Variants in RPS6KA2 observed in about 807,000 individuals in gnomAD.
RPS6KA2 encodes the protein ribosomal protein S6 kinase A2.
A neutral mutation model predicts 91.8 loss-of-function variants in RPS6KA2; 42 were observed. The observed-to-expected ratio is 0.46, with a 90% CI of 0.36 to 0.59. The LOEUF (loss-of-function observed/expected upper bound fraction) is 0.59, where lower values mean the gene tolerates loss of function less well. Among genes scored for constraint, RPS6KA2 ranks in the 20% least tolerant of loss-of-function variants. The pLI is 0.00. For synonymous variants in RPS6KA2, 414 were observed against 393.6 expected, an observed-to-expected ratio of 1.05 and a Z score of -0.61; for missense variants, 798 against 978.5, an observed-to-expected ratio of 0.82 and a Z score of 2.46.
intron 1 of RPS6KA2, among the ~76,000 whole-genome samples, chr6:166,584,548 G>A (rs770684423): frequency 6.6e-6 from 1 of 152,146 alleles, no homozygotes; most frequent in East Asian, 1.9e-4. Flanking sequence ...GGCCAGTTAT[G>A]TCATGACATC....
Position 166,469,918 on chromosome 6 carries a change from C to T in RPS6KA2, c.908-13G>A. 1 of 1,610,834 alleles carries T rather than the reference C, an allele frequency of 6.2e-7. No homozygotes were observed. The highest frequency in any genetic ancestry group is 8.5e-7 in the Non-Finnish European group (1 of 1,176,912). On this transcript the variant is annotated splice_polypyrimidine_tract_variant and intron_variant, in intron 10 of 20. Transcript: ENST00000265678. Reference sequence around the variant, plus strand: ...TCAATGCCAGCACCTGTCAACAACACAGAAATGATCATCAGAACAAATCCA... The same window carrying T: ...TCAATGCCAGCACCTGTCAACAACATAGAAATGATCATCAGAACAAATCCA...
At chr6:166,688,619 G>A (rs1429210836) in intron 2 of RPS6KA2, among the ~76,000 whole-genome samples, 1 of 152,232 alleles carries the variant, frequency 6.6e-6, no homozygotes, top group East Asian at 1.9e-4. Context: ...ACCATGAGGA[G>A]GTGACATGAT....
intron 1 of RPS6KA2, among the ~76,000 whole-genome samples, chr6:166,620,527 T>C (rs572153967): frequency 6.6e-6 from 1 of 152,348 alleles, no homozygotes; most frequent in African/African-American, 2.4e-5. Flanking sequence ...TCATTGTATA[T>C]AAACTTAACA....
intron 3 of RPS6KA2, among the ~76,000 whole-genome samples, chr6:166,525,440 G>A (rs1364857279): frequency 2.6e-5 from 4 of 152,158 alleles, no homozygotes; most frequent in African/African-American, 9.7e-5. Flanking sequence ...CAGCAGCTGA[G>A]CAGATGACCT....
rs111527197 is a variant in RPS6KA2, at chr6:166,588,029, C to T, written c.99+38892G>A. ...CATAAAATGAATGAAAATTGAGACC[C>T]CAGTGATGGTTAGAGAATTCTCGTA... On this transcript the variant is annotated intron_variant, in intron 1 of 20. Coordinates refer to ENST00000265678, the MANE Select transcript of RPS6KA2 (RefSeq NM_021135.6). 7.9e-3 allele frequency among the ~76,000 whole-genome samples: 1,203 copies of T among 152,288 alleles called. 8 individuals carry two copies. Among genetic ancestry groups the T allele is most frequent in the South Asian group, 0.03 (146 of 4,824 alleles).
At position 166,662,870 on chromosome 6, in the gene RPS6KA2, G is replaced by A. The variant is rs941608176; in HGVS notation, c.124-124086C>T. Among the ~76,000 whole-genome samples, 3 of 152,128 alleles carry A rather than the reference G, an allele frequency of 2.0e-5. No individual in the cohort carries two copies. Among genetic ancestry groups the A allele is most frequent in the African/African-American group, 7.2e-5 (3 of 41,412 alleles). The stretch of plus-strand genomic sequence containing the variant: ...TGGGTGCTTATCCGCTCTGACTGCT[G>A]TCCTTAGAAGAAGAGGAAGTCTGAA... On this transcript the variant is annotated intron_variant, in intron 2 of 21. Transcript: ENST00000503859. This position sits in a 1 kb window ranked among gnomAD's most constrained non-coding sequence, Gnocchi z 4.3.
chr6:166,532,826 T>TGAGAGAGA (rs3839531), intron 2 of RPS6KA2, among the ~76,000 whole-genome samples: 71 of 149,508 alleles, frequency 4.7e-4, no homozygotes, highest in African/African-American at 1.7e-3. Context: ...GTGTGGAGTG[T>TGAGAGAGA]GAGAGAGAGA....
chr6:166,671,819 A>G (rs1583005323), intron 2 of RPS6KA2, among the ~76,000 whole-genome samples: 1 of 152,146 alleles, frequency 6.6e-6, no homozygotes, highest in African/African-American at 2.4e-5. Flanking sequence ...TGGGCTGGCC[A>G]GAGCCGGGAT....
In RPS6KA2 at chr6:166,852,676, T is replaced by G. The variant is rs1780774970; in HGVS notation, c.123+5524A>C. Among the ~76,000 whole-genome samples, 1 of 151,936 alleles carries G rather than the reference T, an allele frequency of 6.6e-6. No homozygotes were observed. Among genetic ancestry groups the G allele is most frequent in the East Asian group, 1.9e-4 (1 of 5,152 alleles). On this transcript the variant is annotated intron_variant, in intron 2 of 21. Transcript: ENST00000503859. This position sits in a 1 kb window ranked among gnomAD's most constrained non-coding sequence, Gnocchi z 4.1. ...GTCCAAGCAGCAACGGCTCGGCAAC[T>G]CCGGGAGCTGGGCATTGGAGGAGGC...
intron 2 of RPS6KA2, among the ~76,000 whole-genome samples, chr6:166,719,129 C>T (rs75824788): frequency 1.0e-3 from 159 of 152,294 alleles, no homozygotes; most frequent in African/African-American, 3.8e-3. Context: ...ACAGACAACA[C>T]GTAAATGAAT....
chr6:166,789,129 C>T (rs57253103), intron 2 of RPS6KA2, among the ~76,000 whole-genome samples: 2,240 of 152,254 alleles, frequency 0.015, 63 homozygotes, highest in African/African-American at 0.051. Context: ...GGGTGACACA[C>T]GGCACCTGGA....
rs539303356 is a variant in RPS6KA2, at chr6:166,814,977, G to A, written c.123+43223C>T. Among the ~76,000 whole-genome samples the A allele has an allele frequency of 2.0e-5, 3 of 152,258 alleles. No homozygotes were observed. The South Asian group carries it at 6.2e-4, about 32-fold the overall frequency. On this transcript the variant is annotated intron_variant, in intron 2 of 21. Coordinates refer to the RPS6KA2 transcript ENST00000503859. The stretch of plus-strand genomic sequence containing the variant: ...AACCACCCCTCTTCCACCACACCTG[G>A]TCAGTGGAAAAACTGTCATCCACAA...
intron 2 of RPS6KA2, chr6:166,701,310 T>G: frequency 1.3e-6 from 2 of 1,560,360 alleles, no homozygotes; most frequent in Non-Finnish European, 1.7e-6. Context: ...CATTCACCGT[T>G]TTGCCTCCTT....
chr6:166,759,099 G>A (rs1172436618), intron 2 of RPS6KA2, among the ~76,000 whole-genome samples: 2 of 151,946 alleles, frequency 1.3e-5, no homozygotes, highest in Non-Finnish European at 2.9e-5. Context: ...GTGTGTGCCT[G>A]TGTGTGCAGG....
chr6:166,435,785 T>A lies in RPS6KA2; in HGVS notation c.1333-3295A>T, dbSNP rs568624385. ...GTGGCTTGGCCTGTGGCCATGTCAC[T>A]TGCTGGTACTTGAATGTGGGTGTCT... On this transcript the variant is annotated intron_variant, in intron 14 of 20. Coordinates refer to ENST00000265678, the MANE Select transcript of RPS6KA2 (RefSeq NM_021135.6). The surrounding 1 kb of genome is among the most constrained non-coding windows in gnomAD (Gnocchi z 4.3). Among the ~76,000 whole-genome samples the A allele has an allele frequency of 1.6e-4, 24 of 152,364 alleles. No homozygotes were observed. Among genetic ancestry groups the A allele is most frequent in the Admixed American group, 5.9e-4 (9 of 15,310 alleles).
At chr6:166,446,241 G>A (rs1481586810) in intron 14 of RPS6KA2, among the ~76,000 whole-genome samples, 1 of 152,232 alleles carries the variant, frequency 6.6e-6, no homozygotes, top group South Asian at 2.1e-4. Flanking sequence ...TTGACCGGCT[G>A]AAACGTGCTT....
chr6:166,508,385 C>T lies in RPS6KA2; in HGVS notation c.380-103G>A, dbSNP rs1782338307. 4 of 763,980 alleles carry T rather than the reference C, an allele frequency of 5.2e-6. No individual in the cohort carries two copies. In the Admixed American group the frequency reaches 8.9e-5, roughly 17 times the overall value. The allele number at this position is 763,980 out of a possible 1,614,324, so 47.3% of individuals were successfully genotyped here. A position where few individuals can be genotyped will look rare whatever the true frequency, so the allele number is the denominator to read the frequency against. On this transcript the variant is annotated intron_variant, in intron 4 of 20. Transcript: ENST00000265678. This position sits in a 1 kb window ranked among gnomAD's most constrained non-coding sequence, Gnocchi z 4.3. ...TCACGGTGCTGCTTACTCCGGGAGGCTGAGTCACTTGAGAAACGGCAGGAC... is the reference window on the plus strand; with the variant it reads ...TCACGGTGCTGCTTACTCCGGGAGGTTGAGTCACTTGAGAAACGGCAGGAC...
In RPS6KA2 at chr6:166,411,437, C is replaced by T. The variant is rs1778300722; in HGVS notation, c.*1325G>A. 1 of 152,156 alleles carries T rather than the reference C, an allele frequency of 6.6e-6. No individual in the cohort carries two copies. Among genetic ancestry groups the T allele is most frequent in the Admixed American group, 6.5e-5 (1 of 15,276 alleles). 9.4% of individuals were successfully genotyped at this position (152,156 alleles called of 1,614,324 possible). ...GGGCCGCCAGGGAGCATCTTCAACA[C>T]CCTTACAGGACAATGAAGGACCCGT... On this transcript the variant is annotated 3_prime_UTR_variant, in exon 21 of 21. Transcript: ENST00000265678. This position sits in a 1 kb window ranked among gnomAD's most constrained non-coding sequence, Gnocchi z 4.5.
At chr6:166,800,297 C>T (rs901661679) in intron 2 of RPS6KA2, among the ~76,000 whole-genome samples, 7 of 152,176 alleles carry the variant, frequency 4.6e-5, no homozygotes, top group African/African-American at 4.8e-5. Flanking sequence ...CCCTAGAGCA[C>T]GGGGAGGACA....
Sources: allele counts gnomAD v4.1 joint callset (sites outside exome capture counted in the v4.1 genomes callset), GRCh38; gene constraint gnomAD v4.1.1; non-coding constraint Gnocchi (gnomAD v3.1); transcripts MANE v1.5; gene names NCBI Gene and HGNC (gene_info 2026-07-23, HGNC 2026-07-21).